Variants in ZNF44 observed in about 807,000 individuals in gnomAD.
The protein encoded by ZNF44 is gonadotropin inducible transcription repressor-2.
In ZNF44, 9 loss-of-function variants were observed where a neutral mutation model predicts 11.7. That is an observed-to-expected ratio of 0.77 (90% CI 0.46 to 1.35). The LOEUF is 1.35. Ranked by LOEUF, ZNF44 falls within the 40% of genes most tolerant of loss-of-function variation. The pLI is 0.00. For missense variants in ZNF44, 696 were observed against 743.1 expected, an observed-to-expected ratio of 0.94 and a Z score of 0.74; for synonymous variants, 224 against 242.7, an observed-to-expected ratio of 0.92 and a Z score of 0.72.
chr19:12,264,436 C>A (rs533421949), intron 5 of ZNF44, among the ~76,000 whole-genome samples: 143 of 152,256 alleles, frequency 9.4e-4, no homozygotes, highest in African/African-American at 3.3e-3. Context: ...GGCTTTAGAA[C>A]ACTTTTGATA....
downstream of ZNF44, among the ~76,000 whole-genome samples, chr19:12,246,651 A>G (rs1354351875): frequency 3.3e-5 from 5 of 152,310 alleles, no homozygotes; most frequent in East Asian, 9.6e-4. Context: ...TATTTCTTAA[A>G]GAGTATTTAC....
At chr19:12,253,933 C>T (rs552309179) in intron 5 of ZNF44, among the ~76,000 whole-genome samples, 71 of 152,174 alleles carry the variant, frequency 4.7e-4, no homozygotes, top group Non-Finnish European at 8.5e-4. Flanking sequence ...GGGCCCAGAT[C>T]GCACCACTGC....
chr19:12,239,245 C>T (rs1350119664), upstream of ZNF44, among the ~76,000 whole-genome samples: 1 of 151,138 alleles, frequency 6.6e-6, no homozygotes, highest in Non-Finnish European at 1.5e-5. Context: ...CCCCGAGCAG[C>T]TGTGACTATA....
upstream of ZNF44, among the ~76,000 whole-genome samples, chr19:12,240,556 C>T (rs1468987035): frequency 6.6e-6 from 1 of 151,498 alleles, no homozygotes; most frequent in Non-Finnish European, 1.5e-5. Context: ...TTCCTGATTT[C>T]AAACTGGCTA....
intron 5 of ZNF44, among the ~76,000 whole-genome samples, chr19:12,256,697 CTTT>C (rs950614463): frequency 3.9e-5 from 4 of 102,810 alleles, no homozygotes; most frequent in African/African-American, 4.9e-5. Flanking sequence ...AGCAATTACT[CTTT>C]TTTTTTTTTT....
intron 3 of ZNF44, among the ~76,000 whole-genome samples, chr19:12,229,654 C>T (rs368832850): frequency 6.6e-6 from 1 of 151,602 alleles, no homozygotes; most frequent in Non-Finnish European, 1.5e-5. Context: ...TGCTCTGTCA[C>T]CCAGGCTGGA....
upstream of ZNF44, among the ~76,000 whole-genome samples, chr19:12,241,268 G>A (rs1028409910): frequency 6.6e-6 from 1 of 152,242 alleles, no homozygotes; most frequent in Admixed American, 6.5e-5. Context: ...TGGTGAGCAT[G>A]CATAGAAACT....
intron 1 of ZNF44, chr19:12,291,235 TC>T (rs1416296912): frequency 6.6e-6 from 3 of 455,628 alleles, no homozygotes; most frequent in East Asian, 1.4e-4. Context: ...TTATCCACTG[TC>T]CCAAGTTCTC....
At chr19:12,250,801 C>T (rs1214160124) in intron 5 of ZNF44, 3 of 456,156 alleles carry the variant, frequency 6.6e-6, no homozygotes, top group East Asian at 1.4e-4. Context: ...CTACTATTCC[C>T]ATCACTAAGC....
At chr19:12,294,532 C>T (rs953799716) in intron 1 of ZNF44, among the ~76,000 whole-genome samples, 160 bp downstream of exon 1, 2 of 152,192 alleles carry the variant, frequency 1.3e-5, no homozygotes, top group African/African-American at 4.8e-5. Context: ...CCCAGCCCCA[C>T]CCTGCGGCCA....
downstream of ZNF44, among the ~76,000 whole-genome samples, chr19:12,268,264 GTTAA>G (rs1206787485): frequency 2.0e-5 from 3 of 151,626 alleles, no homozygotes; most frequent in East Asian, 5.8e-4. Context: ...TCATTTTAGT[GTTAA>G]TTTTCACATA....
intron 1 of ZNF44, chr19:12,293,176 T>G: frequency 2.0e-6 from 3 of 1,511,942 alleles, no homozygotes; most frequent in Non-Finnish European, 2.7e-6. Context: ...AGCCCAGGGG[T>G]TAGCTTTTTA....
intron 5 of ZNF44, among the ~76,000 whole-genome samples, chr19:12,263,924 CAA>C (rs796313617): frequency 1.3e-3 from 139 of 105,326 alleles, no homozygotes; most frequent in East Asian, 4.8e-3. Flanking sequence ...GACTCCGTCT[CAA>C]AAAAAAAAAA....
intron 1 of ZNF44, among the ~76,000 whole-genome samples, chr19:12,280,346 A>G (rs1392331190): frequency 2.6e-5 from 4 of 152,228 alleles, no homozygotes; most frequent in African/African-American, 9.6e-5. Context: ...ACTGTCTATT[A>G]TACCAGCACT....
intron 3 of ZNF44, among the ~76,000 whole-genome samples, chr19:12,227,551 A>G (rs1915970915): frequency 6.6e-6 from 1 of 152,284 alleles, no homozygotes. Flanking sequence ...GGTTGCAGTG[A>G]GCCAAGATCG....
chr19:12,241,021 TA>T (rs1477817813), upstream of ZNF44, among the ~76,000 whole-genome samples: 2 of 152,166 alleles, frequency 1.3e-5, no homozygotes, highest in African/African-American at 4.8e-5. Flanking sequence ...TGGAAGAGAT[TA>T]ATACCCAAAA....
At position 12,255,321 on chromosome 19, in the gene ZNF44, T is replaced by TA. The variant is rs200680364; in HGVS notation, c.1913-4954dup. ...TTTCAAATAGTGAAACTGCAAGAAA[T>TA]AAAAAAAAAATCAAAACCAAAAGCC... On this transcript the variant is annotated intron_variant and NMD_transcript_variant, in intron 5 of 7. Transcript: ENST00000393337. Among the ~76,000 whole-genome samples, 299 of 144,252 alleles carry TA rather than the reference T, an allele frequency of 2.1e-3. 4 individuals are homozygous for TA. Among genetic ancestry groups the TA allele is most frequent in the African/African-American group, 1.3e-3 (50 of 39,058 alleles). 94.6% of individuals were successfully genotyped at this position (144,252 alleles called of 152,430 possible). A position where few individuals can be genotyped will look rare whatever the true frequency, so the allele number is the denominator to read the frequency against.
At chr19:12,246,502 A>G (rs1916770371), downstream of ZNF44, among the ~76,000 whole-genome samples, 1 of 151,712 alleles carries the variant, frequency 6.6e-6, no homozygotes, top group African/African-American at 2.4e-5. Flanking sequence ...GGATGCCAGT[A>G]GAAAACTCCC....
rs972984436 is a variant in ZNF44 at position 12,283,333 on chromosome 19, T to G, written c.4-7251A>C. Among the ~76,000 whole-genome samples, 43 of 152,124 alleles carry G rather than the reference T, an allele frequency of 2.8e-4. 1 individual carries two copies. The Middle Eastern group carries it at 9.5e-3, about 34-fold the overall frequency. On this transcript the variant is annotated intron_variant, in intron 1 of 3. Coordinates refer to ENST00000355684, the MANE Select transcript of ZNF44 (RefSeq NM_016264.4). ...CACACTTTTAGAAATTACAGAAATTTTTTTTTCTTTTTGAGACAGAGTCTC... is the reference window on the plus strand; with the variant it reads ...CACACTTTTAGAAATTACAGAAATTGTTTTTTCTTTTTGAGACAGAGTCTC...
Sources: allele counts gnomAD v4.1 joint callset (sites outside exome capture counted in the v4.1 genomes callset), GRCh38; gene constraint gnomAD v4.1.1; transcripts MANE v1.5; gene names NCBI Gene and HGNC (gene_info 2026-07-23, HGNC 2026-07-21).